UNC13C: variants seen among roughly 807,000 people sequenced by gnomAD.
UNC13C encodes protein unc-13 homolog C.
A neutral mutation model predicts 245.4 loss-of-function variants in UNC13C; 174 were observed. The ratio of observed to expected loss-of-function variants is 0.71; its 90% CI spans 0.63 to 0.80. UNC13C has a LOEUF of 0.80. UNC13C is among the 30% of genes least tolerant of loss of function. The pLI is 0.00. For missense variants in UNC13C, 2,829 were observed against 2,602.9 expected, an observed-to-expected ratio of 1.09 and a Z score of -1.89; for synonymous variants, 992 against 895.1, an observed-to-expected ratio of 1.11 and a Z score of -1.93.
intron 18 of UNC13C, among the ~76,000 whole-genome samples, chr15:54,395,455 G>T (rs1263582742): frequency 6.6e-6 from 1 of 151,824 alleles, no homozygotes; most frequent in Non-Finnish European, 1.5e-5. Context: ...TCCCAAATCT[G>T]TGGAGTCAGA....
chr15:53,881,248 C>G, the UNC13C span, among the ~76,000 whole-genome samples: 1 of 152,116 alleles, frequency 6.6e-6, no homozygotes, highest in East Asian at 1.9e-4. Context: ...TCAGGGTAGC[C>G]ATACTGTTTG....
chr15:53,862,890 C>T, the UNC13C span, among the ~76,000 whole-genome samples: 1 of 152,072 alleles, frequency 6.6e-6, no homozygotes, highest in African/African-American at 2.4e-5. Flanking sequence ...GTCCCTGGCT[C>T]CCCCAAATTC....
At chr15:54,543,959 T>C (rs1183046276) in intron 26 of UNC13C, among the ~76,000 whole-genome samples, 5 of 152,148 alleles carry the variant, frequency 3.3e-5, no homozygotes, top group Non-Finnish European at 4.4e-5. Context: ...GCCAGCATCA[T>C]CCTGATAACA....
chr15:54,344,420 A>T (rs1324023181), intron 17 of UNC13C, among the ~76,000 whole-genome samples: 3 of 152,222 alleles, frequency 2.0e-5, no homozygotes, highest in Non-Finnish European at 4.4e-5. Flanking sequence ...TTCAGAAAAG[A>T]TAATTATATA....
chr15:54,410,838 G>A (rs1311903332), intron 18 of UNC13C, among the ~76,000 whole-genome samples: 1 of 151,744 alleles, frequency 6.6e-6, no homozygotes, highest in Non-Finnish European at 1.5e-5. Context: ...TTGTATGTTT[G>A]GGTTCTTTCT....
At chr15:54,431,186 A>G (rs766354523) in intron 19 of UNC13C, among the ~76,000 whole-genome samples, 1 of 151,768 alleles carries the variant, frequency 6.6e-6, no homozygotes, top group African/African-American at 2.4e-5. Flanking sequence ...TGTATAAAGC[A>G]GAAATTCAGG....
intron 1 of UNC13C, among the ~76,000 whole-genome samples, chr15:53,986,575 A>G (rs1894152011): frequency 6.6e-6 from 1 of 151,802 alleles, no homozygotes; most frequent in Non-Finnish European, 1.5e-5. Flanking sequence ...AAAAATTCCA[A>G]ATTTAATTAA....
intron 16 of UNC13C, 141 bp downstream of exon 16, chr15:54,333,997 A>G (rs2038510099): frequency 5.2e-6 from 3 of 579,202 alleles, no homozygotes; most frequent in Non-Finnish European, 3.1e-6. Flanking sequence ...CCTGAACTCG[A>G]TGAATCTTCC....
In UNC13C at chr15:54,555,428, C is replaced by T. The variant is rs753429201; in HGVS notation, c.5878-4C>T. On this transcript the variant is annotated splice_region_variant and splice_polypyrimidine_tract_variant and intron_variant, in intron 28 of 32. Transcript: ENST00000260323. ...TTATAAGCAATTCTTCACCTGTTTT[C>T]CAGGAGCACATGATTCGAGAGGATG... 5.2e-5 allele frequency: 84 copies of T among 1,611,854 alleles called. No homozygotes were observed. The South Asian group carries it at 9.0e-4, about 17-fold the overall frequency.
intron 19 of UNC13C, among the ~76,000 whole-genome samples, chr15:54,468,383 A>C (rs765789770): frequency 1.3e-5 from 2 of 151,656 alleles, no homozygotes; most frequent in Non-Finnish European, 3.0e-5. Context: ...TTATTTGAAA[A>C]TATTGTCTCC....
chr15:54,332,743 T>C (rs2038472141), intron 15 of UNC13C, among the ~76,000 whole-genome samples: 1 of 152,070 alleles, frequency 6.6e-6, no homozygotes, highest in Admixed American at 6.6e-5. Context: ...TTATAAAATG[T>C]CTATAGTAAT....
intron 19 of UNC13C, among the ~76,000 whole-genome samples, chr15:54,481,949 C>T (rs1210810182): frequency 6.6e-6 from 1 of 152,186 alleles, no homozygotes; most frequent in Non-Finnish European, 1.5e-5. Flanking sequence ...AACCAAGGCC[C>T]TTGAAGGCAC....
intron 1 of UNC13C, among the ~76,000 whole-genome samples, 169 bp downstream of exon 1, chr15:53,979,096 G>A (rs895163099): frequency 5.1e-4 from 77 of 151,928 alleles, no homozygotes; most frequent in African/African-American, 1.8e-3. Flanking sequence ...TAATGTACAT[G>A]ATTCTATGGA....
chr15:54,028,684 CTTTTT>C (rs58264883), intron 2 of UNC13C, among the ~76,000 whole-genome samples: 1 of 87,082 alleles, frequency 1.1e-5, no homozygotes, highest in African/African-American at 4.6e-5. Context: ...GCCTACAAGT[CTTTTT>C]TTTTTTTTTT....
intron 4 of UNC13C, among the ~76,000 whole-genome samples, chr15:54,170,603 G>T (rs187824402): frequency 5.9e-5 from 9 of 151,956 alleles, no homozygotes; most frequent in African/African-American, 2.2e-4. Context: ...CTGAGGAAGA[G>T]ACAGCCATTT....
chr15:54,324,000 G>A (rs1308868039), intron 14 of UNC13C, among the ~76,000 whole-genome samples: 1 of 151,946 alleles, frequency 6.6e-6, no homozygotes, highest in Non-Finnish European at 1.5e-5. Context: ...ACAGCAGATT[G>A]ATTTCAGTAC....
intron 4 of UNC13C, among the ~76,000 whole-genome samples, chr15:54,227,262 G>C (rs541993827): frequency 6.6e-6 from 1 of 152,098 alleles, no homozygotes; most frequent in African/African-American, 2.4e-5. Context: ...GGATGGCCAC[G>C]GGCGGGCCTG....
rs183085506 is a variant in UNC13C, at chr15:54,134,553, G to T, written c.2984-8465G>T. Among the ~76,000 whole-genome samples the T allele has an allele frequency of 1.3e-4, 20 of 151,634 alleles. No individual in the cohort carries two copies. In the East Asian group the frequency reaches 3.3e-3, roughly 25 times the overall value. On this transcript the variant is annotated intron_variant, in intron 2 of 32. Transcript: ENST00000260323. Reference sequence around the variant, plus strand: ...CGGGGTCTCGGAGTCTCGCTGTCTCGCTGTCTCCCAGACTGGAGTGCAGTG... The same window carrying T: ...CGGGGTCTCGGAGTCTCGCTGTCTCTCTGTCTCCCAGACTGGAGTGCAGTG...
rs2031825689 is a variant in UNC13C at position 54,138,104 on chromosome 15, G to A, written c.2984-4914G>A. ...TGTGTTGTTTTATTTCCACATATTTGTGGATGTTCTAAAATTCTTCCTGTT... is the reference window on the plus strand; with the variant it reads ...TGTGTTGTTTTATTTCCACATATTTATGGATGTTCTAAAATTCTTCCTGTT... On this transcript the variant is annotated intron_variant, in intron 2 of 32. Transcript: ENST00000260323. Among the ~76,000 whole-genome samples, 5 of 152,094 alleles carry A rather than the reference G, an allele frequency of 3.3e-5. No individual in the cohort carries two copies. In the South Asian group the frequency reaches 1.0e-3, roughly 32 times the overall value.
Sources: allele counts gnomAD v4.1 joint callset (sites outside exome capture counted in the v4.1 genomes callset), GRCh38; gene constraint gnomAD v4.1.1; transcripts MANE v1.5; gene names NCBI Gene and HGNC (gene_info 2026-07-23, HGNC 2026-07-21).